EIF2S1: variants seen among roughly 807,000 people sequenced by gnomAD.
EIF2S1 encodes the protein eukaryotic translation initiation factor 2 subunit alpha.
In EIF2S1, 5 loss-of-function variants were observed where a neutral mutation model predicts 33.5. The observed-to-expected ratio is 0.15, with a 90% CI of 0.08 to 0.31. The LOEUF (loss-of-function observed/expected upper bound fraction) is 0.31. Among genes scored for constraint, EIF2S1 ranks in the 10% least tolerant of loss-of-function variants. EIF2S1 has a pLI of 1.00. For synonymous variants in EIF2S1, 99 were observed against 127.5 expected, an observed-to-expected ratio of 0.78 and a Z score of 1.51; for missense variants, 191 against 384.6, an observed-to-expected ratio of 0.50 and a Z score of 4.21.
chr14:67,361,616 C>G (rs987637338), intron 1 of EIF2S1, among the ~76,000 whole-genome samples: 1 of 152,190 alleles, frequency 6.6e-6, no homozygotes, highest in Non-Finnish European at 1.5e-5. Flanking sequence ...TTTGACCATG[C>G]ACTGTTTTGA....
At chr14:67,370,962 A>G (rs1218762063) in intron 2 of EIF2S1, among the ~76,000 whole-genome samples, 1 of 151,942 alleles carries the variant, frequency 6.6e-6, no homozygotes, top group Admixed American at 6.6e-5. Flanking sequence ...CCAGGAGAAC[A>G]AGTCTGCAGT....
chr14:67,383,806 C>A lies in EIF2S1; in HGVS notation c.*366C>A, dbSNP rs2085903380. 3.5e-6 allele frequency: 1 copy of A among 282,548 alleles called. No individual in the cohort carries two copies. Among genetic ancestry groups the A allele is most frequent in the Admixed American group, 4.8e-5 (1 of 20,796 alleles). The allele number at this position is 282,548 out of a possible 1,614,324, so 17.5% of individuals were successfully genotyped here. On this transcript the variant is annotated 3_prime_UTR_variant, in exon 8 of 8. Coordinates refer to ENST00000256383, the MANE Select transcript of EIF2S1 (RefSeq NM_004094.5). ...GGCATCCAAGGCAAACAATCCCAAT[C>A]TTTCTATATAAAATGTATTCAAGCA... is the stretch of plus-strand genomic sequence containing the variant.
intron 1 of EIF2S1, among the ~76,000 whole-genome samples, chr14:67,361,153 G>A (rs2141122056): frequency 6.6e-6 from 1 of 152,210 alleles, no homozygotes; most frequent in Middle Eastern, 3.4e-3. Context: ...ATATATTTTC[G>A]GGTTAAATAC....
chr14:67,386,492 G>A lies in EIF2S1; in HGVS notation c.*3052G>A, dbSNP rs1196467563. ...GCCAGATTACTGTATAAACTTGAAA[G>A]TAATAAAAATGTTCTTTAAAAGTAT... On this transcript the variant is annotated 3_prime_UTR_variant, in exon 8 of 8. Transcript: ENST00000256383. The A allele has an allele frequency of 1.3e-5, 2 of 152,180 alleles. No individual in the cohort carries two copies. Among genetic ancestry groups the A allele is most frequent in the Non-Finnish European group, 2.9e-5 (2 of 68,036 alleles). 9.4% of individuals were successfully genotyped at this position (152,180 alleles called of 1,614,324 possible). A position where few individuals can be genotyped will look rare whatever the true frequency, so the allele number is the denominator to read the frequency against.
Position 67,382,519 on chromosome 14 carries a change from C to A in EIF2S1, c.751C>A (p.Leu251Ile). 6.2e-7 allele frequency: 1 copy of A among 1,613,754 alleles called. No homozygotes were observed. Among genetic ancestry groups the A allele is most frequent in the Non-Finnish European group, 8.5e-7 (1 of 1,179,806 alleles). ...GGAGAGAACAGAAGGCCTTTCTGTCCTCAGTCAAGCTATGGCTGTTATCAA... is the reference window on the plus strand; with the variant it reads ...GGAGAGAACAGAAGGCCTTTCTGTCATCAGTCAAGCTATGGCTGTTATCAA... ...TLERTEGLSV[L>I]SQAMAVIKEK... The change falls in exon 7 of 8, where the codon CTC (leucine) becomes ATC (isoleucine). Residue 251 changes from leucine (L) to isoleucine (I), a missense_variant. Physicochemically the swap from Leu to Ile is conservative, Grantham distance 5. Coordinates refer to ENST00000256383, the MANE Select transcript of EIF2S1 (RefSeq NM_004094.5).
rs541791101 is a variant in EIF2S1, at chr14:67,379,654, C to CTTTTTTTTTTTTTTTTTTTTTTTTTTTT, written c.474-987_474-986insTTTTTTTTTTTTTTTTTTTTTTTTTTTT. ...GACATAACTTTCTTTTTTTCTTTTTCTTTTTTTTTTTTTTTTTTGAGACGG... is the reference window on the plus strand; with the variant it reads ...GACATAACTTTCTTTTTTTCTTTTTCTTTTTTTTTTTTTTTTTTTTTTTTTTTTTTTTTTTTTTTTTTTTTTGAGACGG... On this transcript the variant is annotated intron_variant, in intron 4 of 7. Transcript: ENST00000256383. Among the ~76,000 whole-genome samples the CTTTTTTTTTTTTTTTTTTTTTTTTTTTT allele has an allele frequency of 9.2e-5, 11 of 119,952 alleles. 2 individuals are homozygous for CTTTTTTTTTTTTTTTTTTTTTTTTTTTT. The highest frequency in any genetic ancestry group is 5.9e-4 in the East Asian group (2 of 3,378). 78.7% of individuals were successfully genotyped at this position (119,952 alleles called of 152,430 possible).
chr14:67,380,830 A>C (rs764750415), intron 5 of EIF2S1, 65 bp downstream of exon 5: 1 of 825,932 alleles, frequency 1.2e-6, no homozygotes, highest in South Asian at 2.8e-5. Flanking sequence ...TTAAATAATG[A>C]GACTTACCAA....
intron 7 of EIF2S1, 67 bp from the exon 8 acceptor site, chr14:67,383,248 T>C: frequency 1.3e-6 from 2 of 1,531,426 alleles, no homozygotes; most frequent in Admixed American, 3.7e-5. Flanking sequence ...TAGGCAGTAA[T>C]AGTATTGAAA....
intron 2 of EIF2S1, among the ~76,000 whole-genome samples, chr14:67,365,746 G>A (rs1016371768): frequency 1.3e-5 from 2 of 152,158 alleles, no homozygotes; most frequent in African/African-American, 4.8e-5. Flanking sequence ...ATGTCCGAAA[G>A]GCTTCATATC....
At chr14:67,381,254 TCA>T (rs1446049482) in intron 5 of EIF2S1, among the ~76,000 whole-genome samples, 5 of 152,214 alleles carry the variant, frequency 3.3e-5, no homozygotes, top group Admixed American at 1.3e-4. Context: ...GCCAGTTTTC[TCA>T]CAGTTACAAA....
rs141452452 is a variant in EIF2S1 at position 67,362,188 on chromosome 14, T to G, written c.-2+1732T>G. Among the ~76,000 whole-genome samples the G allele has an allele frequency of 4.0e-3, 615 of 151,966 alleles. 18 individuals are homozygous for G. The East Asian group carries it at 0.059, about 15-fold the overall frequency. On this transcript the variant is annotated intron_variant, in intron 1 of 7. Coordinates refer to ENST00000256383, the MANE Select transcript of EIF2S1 (RefSeq NM_004094.5). ...GTGCCTGCCACCACACCCAGCTAATTTTGGTATTTTTAGTAGAAATGGGGT... is the reference window on the plus strand; with the variant it reads ...GTGCCTGCCACCACACCCAGCTAATGTTGGTATTTTTAGTAGAAATGGGGT...
intron 7 of EIF2S1, among the ~76,000 whole-genome samples, chr14:67,383,020 T>C (rs2139822222): frequency 6.6e-6 from 1 of 152,246 alleles, no homozygotes; most frequent in Non-Finnish European, 1.5e-5. Flanking sequence ...CTATTTGTGG[T>C]CTTGAAAGAT....
chr14:67,368,438 A>G (rs2085795602), intron 2 of EIF2S1, among the ~76,000 whole-genome samples: 1 of 152,216 alleles, frequency 6.6e-6, no homozygotes, highest in Non-Finnish European at 1.5e-5. Context: ...CACAAATGTC[A>G]GAGCCTCAAG....
At chr14:67,376,685 A>T in intron 4 of EIF2S1, 95 bp downstream of exon 4, 1 of 1,347,708 alleles carries the variant, frequency 7.4e-7, no homozygotes, top group South Asian at 1.4e-5. Context: ...ATACTTGCCA[A>T]ATTTAGATTA....
At position 67,380,687 on chromosome 14, in the gene EIF2S1, T is replaced by G. The variant is rs1444449131; in HGVS notation, c.502T>G (p.Leu168Val). ...CCCATCTATTTTGGATAGTTTAGAT[T>G]TGAATGAAGATGAACGGGAAGTACT... Reference protein sequence around the residue: ...SDPSILDSLDLNEDEREVLIN... With the variant: ...SDPSILDSLDVNEDEREVLIN... The change falls in exon 5 of 8, where the codon TTG becomes GTG. Residue 168 changes from leucine (L) to valine (V), a missense_variant. Coordinates refer to ENST00000256383, the MANE Select transcript of EIF2S1 (RefSeq NM_004094.5). The G allele has an allele frequency of 6.3e-7, 1 of 1,581,708 alleles. No homozygotes were observed. The highest frequency in any genetic ancestry group is 1.4e-5 in the African/African-American group (1 of 72,950).
intron 6 of EIF2S1, among the ~76,000 whole-genome samples, chr14:67,381,895 A>C (rs2141152911): frequency 6.6e-6 from 1 of 152,160 alleles, no homozygotes; most frequent in East Asian, 1.9e-4. Context: ...TGTTACTATC[A>C]CAGTGGATGG....
chr14:67,363,797 C>T (rs1595643038), intron 1 of EIF2S1, among the ~76,000 whole-genome samples: 1 of 152,256 alleles, frequency 6.6e-6, no homozygotes, highest in South Asian at 2.1e-4. Flanking sequence ...TATGAATTTT[C>T]ACAAGGTTTT....
chr14:67,375,613 A>G (rs2085853553), intron 3 of EIF2S1, among the ~76,000 whole-genome samples: 1 of 152,166 alleles, frequency 6.6e-6, no homozygotes, highest in Non-Finnish European at 1.5e-5. Flanking sequence ...TCTAAAAGCC[A>G]TCAGTTACCC....
chr14:67,374,845 C>T (rs1303048243), intron 3 of EIF2S1, among the ~76,000 whole-genome samples: 1 of 152,146 alleles, frequency 6.6e-6, no homozygotes, highest in East Asian at 1.9e-4. Flanking sequence ...TTCAAGTGAT[C>T]CTTGAGCCTC....
Sources: allele counts gnomAD v4.1 joint callset (sites outside exome capture counted in the v4.1 genomes callset), GRCh38; gene constraint gnomAD v4.1.1; transcripts MANE v1.5; gene names NCBI Gene and HGNC (gene_info 2026-07-23, HGNC 2026-07-21).